Variants in ESRRG observed in about 807,000 individuals in gnomAD.
ESRRG encodes the protein estrogen-related receptor gamma.
Under a neutral mutation model 44.0 loss-of-function variants are expected in ESRRG, and 13 were observed. That is an observed-to-expected ratio of 0.30 (90% CI 0.19 to 0.47). The LOEUF is 0.47. Among genes scored for constraint, ESRRG ranks in the 20% least tolerant of loss-of-function variants. ESRRG has a pLI of 1.00. For synonymous variants in ESRRG, 215 were observed against 214.6 expected (o/e 1.00, Z -0.02); for missense variants, 395 against 580.6 (o/e 0.68, Z 3.29).
At chr1:216,569,111 A>AGGAAGGAAGGAAGAAGGAAGGAAG (rs1553355981) in intron 3 of ESRRG, among the ~76,000 whole-genome samples, 2 of 104,360 alleles carry the variant, frequency 1.9e-5, no homozygotes, top group Admixed American at 1.0e-4. Flanking sequence ...GAAGGAAGGA[A>AGGAAGGAAGGAAGAAGGAAGGAAG]GAAGGAAGGA....
chr1:216,929,688 G>C (rs2063070661), intron 2 of ESRRG, among the ~76,000 whole-genome samples: 1 of 152,182 alleles, frequency 6.6e-6, no homozygotes, highest in African/African-American at 2.4e-5. Flanking sequence ...AGAAGTACGT[G>C]ATGAGGCCTG....
intron 1 of ESRRG, among the ~76,000 whole-genome samples, chr1:217,110,826 G>A (rs1041291016): frequency 9.9e-5 from 15 of 152,080 alleles, no homozygotes; most frequent in Admixed American, 7.9e-4. Flanking sequence ...TATATTGCTC[G>A]ATATCATCCT....
intron 1 of ESRRG, among the ~76,000 whole-genome samples, chr1:217,038,645 G>C (rs1412278520): frequency 1.3e-5 from 2 of 152,218 alleles, no homozygotes; most frequent in Non-Finnish European, 2.9e-5. Flanking sequence ...GGTTCCCTAG[G>C]CTCAGGCCAG....
chr1:216,785,654 C>A (rs2094100857), intron 2 of ESRRG, among the ~76,000 whole-genome samples: 1 of 152,044 alleles, frequency 6.6e-6, no homozygotes, highest in Non-Finnish European at 1.5e-5. Flanking sequence ...ACTGCATTCT[C>A]CGCAAGAGAA....
intron 2 of ESRRG, among the ~76,000 whole-genome samples, chr1:216,838,051 T>C (rs11572581): frequency 6.6e-6 from 1 of 152,050 alleles, no homozygotes; most frequent in African/African-American, 2.4e-5. Context: ...GCCTTATATA[T>C]AACTGCACAT....
chr1:216,684,939 C>G (rs2151624031), intron 1 of ESRRG, among the ~76,000 whole-genome samples: 1 of 152,360 alleles, frequency 6.6e-6, no homozygotes, highest in South Asian at 2.1e-4. Flanking sequence ...AACTGCTCAA[C>G]TACATGACGC....
At chr1:216,860,146 T>C (rs2096023932) in intron 2 of ESRRG, among the ~76,000 whole-genome samples, 1 of 152,158 alleles carries the variant, frequency 6.6e-6, no homozygotes, top group Non-Finnish European at 1.5e-5. Context: ...ATGTCTGTAA[T>C]CCCAGCTATT....
chr1:217,052,052 C>T (rs7518776), intron 1 of ESRRG, among the ~76,000 whole-genome samples: 11,916 of 151,180 alleles, frequency 0.079, 1,067 homozygotes, highest in African/African-American at 0.22. Context: ...ATTACAGGCA[C>T]GAGCCACTAC....
At chr1:216,768,440 C>T (rs1559557838) in intron 2 of ESRRG, among the ~76,000 whole-genome samples, 1 of 149,394 alleles carries the variant, frequency 6.7e-6, no homozygotes, top group Non-Finnish European at 1.5e-5. Context: ...ATAGATAGAT[C>T]TATCTATCAT....
At chr1:216,656,406 T>C (rs543200183) in intron 2 of ESRRG, among the ~76,000 whole-genome samples, 18 of 152,200 alleles carry the variant, frequency 1.2e-4, no homozygotes, top group Non-Finnish European at 2.4e-4. Flanking sequence ...CAATTTATAA[T>C]ATCTCCTGGC....
chr1:216,860,127 T>C (rs759140978), intron 2 of ESRRG, among the ~76,000 whole-genome samples: 20 of 152,060 alleles, frequency 1.3e-4, no homozygotes, highest in Non-Finnish European at 2.1e-4. Context: ...TAGCTGGCAA[T>C]GGTGGCACAT....
At chr1:216,792,907 A>G (rs771673980) in intron 2 of ESRRG, among the ~76,000 whole-genome samples, 5 of 152,280 alleles carry the variant, frequency 3.3e-5, no homozygotes, top group Middle Eastern at 3.4e-3. Flanking sequence ...ATGATCCCTT[A>G]GTGAAAAGAA....
rs2084630343 is a variant in ESRRG, at chr1:216,715,380, G to T, written c.56+7864C>A. 2.7e-5 allele frequency: 7 copies of T among 260,366 alleles called. No homozygotes were observed. In the South Asian group the frequency reaches 1.0e-3, roughly 37 times the overall value. The allele number at this position is 260,366 out of a possible 1,614,324, so 16.1% of individuals were successfully genotyped here. On this transcript the variant is annotated intron_variant, in intron 1 of 6. Transcript: ENST00000408911. ...CTTTCCCTTTCTTTGGTCATGAACA[G>T]TTGGTTACGGGTATGATATTCCTCC... is the stretch of plus-strand genomic sequence containing the variant.
chr1:216,555,460 T>C (rs1352736636), intron 5 of ESRRG, among the ~76,000 whole-genome samples: 1 of 152,104 alleles, frequency 6.6e-6, no homozygotes, highest in African/African-American at 2.4e-5. Context: ...TACCCAGCTA[T>C]TATATGCACA....
chr1:216,912,938 A>G (rs181915245), intron 2 of ESRRG, among the ~76,000 whole-genome samples: 1 of 152,066 alleles, frequency 6.6e-6, no homozygotes, highest in East Asian at 1.9e-4. Context: ...CCTGGCCAAC[A>G]TGATGAAACC....
chr1:217,085,864 A>G (rs2092058698), intron 1 of ESRRG, among the ~76,000 whole-genome samples: 1 of 151,954 alleles, frequency 6.6e-6, no homozygotes, highest in Non-Finnish European at 1.5e-5. Context: ...GAACACATAG[A>G]ACTTACTTAT....
chr1:216,694,645 A>T (rs1255738090), intron 1 of ESRRG, among the ~76,000 whole-genome samples: 2 of 151,534 alleles, frequency 1.3e-5, no homozygotes, highest in Non-Finnish European at 2.9e-5. Context: ...AAGCCTCTTG[A>T]CCTTCTGGGC....
intron 5 of ESRRG, among the ~76,000 whole-genome samples, chr1:216,547,393 T>C (rs887093947): frequency 5.3e-5 from 8 of 152,022 alleles, no homozygotes; most frequent in Non-Finnish European, 1.2e-4. Flanking sequence ...TTTGTTTGAA[T>C]TACTGCCAAA....
chr1:216,792,115 G>A (rs993879484), intron 2 of ESRRG, among the ~76,000 whole-genome samples: 2 of 152,032 alleles, frequency 1.3e-5, no homozygotes, highest in African/African-American at 4.8e-5. Flanking sequence ...AATTTAAAGT[G>A]GAATGTTTTA....
Sources: allele counts gnomAD v4.1 joint callset (sites outside exome capture counted in the v4.1 genomes callset), GRCh38; gene constraint gnomAD v4.1.1; transcripts MANE v1.5; gene names NCBI Gene and HGNC (gene_info 2026-07-23, HGNC 2026-07-21).